The following PNPLA4 variants were observed in gnomAD, a reference collection of about 807,000 sequenced individuals.
PNPLA4 encodes the protein patatin-like phospholipase domain-containing protein 4.
Under a neutral mutation model 18.3 loss-of-function variants are expected in PNPLA4, and 15 were observed. The ratio of observed to expected loss-of-function variants is 0.82; its 90% confidence interval spans 0.55 to 1.26. PNPLA4 has a LOEUF of 1.26. PNPLA4 is among the 50% of genes most tolerant of loss of function. PNPLA4 has a pLI of 0.00. For synonymous variants in PNPLA4, 88 were observed against 85.6 expected (o/e 1.03, Z -0.16); for missense variants, 229 against 196.8 (o/e 1.16, Z -0.98).
At chrX:7,915,581 G>C (rs1403287828) in intron 4 of PNPLA4, among the ~76,000 whole-genome samples, 1 of 112,112 alleles carries the variant, frequency 8.9e-6, no homozygotes, top group Non-Finnish European at 1.9e-5. Context: ...TGATAAAAAT[G>C]AGAGCTAGTG....
rs1293451431 is a variant in PNPLA4, at chrX:7,923,523, G to A, written c.181-1425C>T. On this transcript the variant is annotated intron_variant, in intron 2 of 6. Transcript: ENST00000381042. ...AGATGATAAACACATGCTGTTTTAA[G>A]CCACTACGCTGAAGGTCCTTTGTCA... 2.7e-5 allele frequency among the ~76,000 whole-genome samples: 3 copies of A among 111,893 alleles called. No individual in the cohort carries two copies. The Admixed American group carries it at 2.8e-4, about 11-fold the overall frequency.
chrX:7,907,628 G>C (rs1923746676), intron 5 of PNPLA4, among the ~76,000 whole-genome samples: 1 of 112,131 alleles, frequency 8.9e-6, no homozygotes. Context: ...CTATTAATGA[G>C]TATGTACTAT....
chrX:7,924,833 C>T (rs1017879386), intron 2 of PNPLA4, among the ~76,000 whole-genome samples: 2 of 111,832 alleles, frequency 1.8e-5, no homozygotes, highest in Non-Finnish European at 3.8e-5. Context: ...TACATAACTC[C>T]AAAGCTTAGG....
At position 7,925,940 on chromosome X, in the gene PNPLA4, C is replaced by T. The variant is rs1181667704; in HGVS notation, c.180G>A (p.Glu60=). ...SVLLTAPEKI[E]ECNQFTYKFA... ...ACAGCCTAAGTTACTACTTAATTAC[C>T]TCTATTTTTTCTGGTGCTGTTAGCA... The change falls in exon 2 of 7, where the codon GAG becomes GAA. Residue 60 remains glutamate (E), a splice_region_variant and synonymous_variant. Transcript: ENST00000381042. The T allele has an allele frequency of 3.3e-6, 4 of 1,206,367 alleles. No individual in the cohort carries two copies. The highest frequency in any genetic ancestry group is 4.5e-6 in the Non-Finnish European group (4 of 891,982).
At chrX:7,924,760 A>C (rs745481763) in intron 2 of PNPLA4, among the ~76,000 whole-genome samples, 2 of 112,341 alleles carry the variant, frequency 1.8e-5, no homozygotes, top group Non-Finnish European at 3.8e-5. Flanking sequence ...AGTATTTCCA[A>C]ATCAGGTTAA....
intron 5 of PNPLA4, among the ~76,000 whole-genome samples, chrX:7,909,024 T>C (rs1450148372): frequency 3.6e-5 from 4 of 111,740 alleles, no homozygotes; most frequent in African/African-American, 1.3e-4. Context: ...AACATGGCGC[T>C]GCGGCTGGAC....
intron 4 of PNPLA4, among the ~76,000 whole-genome samples, chrX:7,920,779 T>C (rs191277944): frequency 1.2e-3 from 130 of 112,531 alleles, no homozygotes; most frequent in African/African-American, 4.0e-3. Context: ...CCAGAGATGA[T>C]GAATTCTCAA....
chrX:7,912,996 G>C, intron 4 of PNPLA4, among the ~76,000 whole-genome samples: 1 of 111,487 alleles, frequency 9.0e-6, no homozygotes, highest in Non-Finnish European at 1.9e-5. Context: ...CAATGTTATA[G>C]GTATGGTTTT....
chrX:7,922,316 T>C (rs959712887), intron 2 of PNPLA4, among the ~76,000 whole-genome samples: 4 of 112,252 alleles, frequency 3.6e-5, no homozygotes, highest in African/African-American at 1.3e-4. Flanking sequence ...GTTTTTTCCT[T>C]TGTAAAGCAC....
At position 7,901,934 on chromosome X, in the gene PNPLA4, T is replaced by C. The variant is rs1268939609; in HGVS notation, c.630+55A>G. On this transcript the variant is annotated intron_variant, in intron 6 of 6. Coordinates refer to ENST00000381042, the MANE Select transcript of PNPLA4 (RefSeq NM_004650.3). ...TGCTTGGGAAACACGTTGAATTCTG[T>C]GGGAATTTTTAGTAGATCAGAACTC... The C allele has an allele frequency of 1.1e-5, 12 of 1,121,054 alleles. No individual in the cohort carries two copies. The African/African-American group carries it at 2.2e-4, about 20-fold the overall frequency. The allele number at this position is 1,121,054 out of a possible 1,213,427, so 92.4% of individuals were successfully genotyped here.
In PNPLA4 at chrX:7,916,089, T is replaced by C. The variant is rs1239183832; in HGVS notation, c.412-3996A>G. Among the ~76,000 whole-genome samples, 3 of 111,779 alleles carry C rather than the reference T, an allele frequency of 2.7e-5. No homozygotes were observed. The East Asian group carries it at 8.5e-4, about 32-fold the overall frequency. On this transcript the variant is annotated intron_variant, in intron 4 of 6. Coordinates refer to ENST00000381042, the MANE Select transcript of PNPLA4 (RefSeq NM_004650.3). The stretch of plus-strand genomic sequence containing the variant: ...AAAAGACCCTTTCGGAAAACACTTG[T>C]GCATCAGTCTTAAACATGAAGAATT...
At chrX:7,926,533 C>T (rs1255924436) in intron 1 of PNPLA4, among the ~76,000 whole-genome samples, 6 of 111,598 alleles carry the variant, frequency 5.4e-5, no homozygotes, top group African/African-American at 1.6e-4. Flanking sequence ...TATTAGAGAC[C>T]GTATCAAATT....
intron 4 of PNPLA4, among the ~76,000 whole-genome samples, chrX:7,914,001 T>G (rs187086419): frequency 1.2e-4 from 14 of 112,515 alleles, no homozygotes; most frequent in Non-Finnish European, 2.1e-4. Context: ...TTCATGCACA[T>G]CTATCTCAAT....
intron 2 of PNPLA4, among the ~76,000 whole-genome samples, chrX:7,924,126 T>C (rs1188303019): frequency 8.9e-6 from 1 of 111,910 alleles, no homozygotes; most frequent in African/African-American, 3.3e-5. Context: ...CCCCACTGAG[T>C]CTAGCACCAT....
intron 6 of PNPLA4, among the ~76,000 whole-genome samples, chrX:7,901,607 T>C (rs1261684396): frequency 9.0e-6 from 1 of 111,133 alleles, no homozygotes; most frequent in Non-Finnish European, 1.9e-5. Context: ...AAAATTGCTC[T>C]GATATCCTAC....
chrX:7,905,104 G>A (rs1923666380), intron 5 of PNPLA4, among the ~76,000 whole-genome samples: 1 of 112,140 alleles, frequency 8.9e-6, no homozygotes, highest in African/African-American at 3.2e-5. Context: ...ATAGAAATAA[G>A]CAACTGCTCA....
intron 5 of PNPLA4, among the ~76,000 whole-genome samples, chrX:7,907,277 C>T (rs1923735222): frequency 8.9e-6 from 1 of 112,102 alleles, no homozygotes; most frequent in Non-Finnish European, 1.9e-5. Context: ...CCTCAGCCTC[C>T]CAAAGTGCTA....
At position 7,900,504 on chromosome X, in the gene PNPLA4, A is replaced by G. The variant is rs1923495537; in HGVS notation, c.*182T>C. The G allele has an allele frequency of 3.1e-6, 1 of 318,328 alleles. No individual in the cohort carries two copies. The highest frequency in any genetic ancestry group is 2.7e-5 in the African/African-American group (1 of 36,882). The allele number at this position is 318,328 out of a possible 1,213,427, so 26.2% of individuals were successfully genotyped here. A position where few individuals can be genotyped will look rare whatever the true frequency, so the allele number is the denominator to read the frequency against. On this transcript the variant is annotated 3_prime_UTR_variant, in exon 7 of 7. Transcript: ENST00000381042. The stretch of plus-strand genomic sequence containing the variant: ...TGTATCCTTCTTAATGACGTTGTCA[A>G]ATTCTAATAAAGTGCCTCTTATATC...
At chrX:7,904,399 G>GA (rs1923642385) in intron 5 of PNPLA4, among the ~76,000 whole-genome samples, 1 of 111,943 alleles carries the variant, frequency 8.9e-6, no homozygotes, top group African/African-American at 3.2e-5. Flanking sequence ...AATGACAAGG[G>GA]AAAATGTATA....
Sources: allele counts gnomAD v4.1 joint callset (sites outside exome capture counted in the v4.1 genomes callset), GRCh38; gene constraint gnomAD v4.1.1; transcripts MANE v1.5; gene names NCBI Gene and HGNC (gene_info 2026-07-23, HGNC 2026-07-21).